Variants in PDE4B observed in about 807,000 individuals in gnomAD.
The protein encoded by PDE4B is 3',5'-cyclic-AMP phosphodiesterase 4B.
Under a neutral mutation model 82.2 loss-of-function variants are expected in PDE4B, and 20 were observed. The ratio of observed to expected loss-of-function variants is 0.24; its 90% CI spans 0.17 to 0.35. The LOEUF (loss-of-function observed/expected upper bound fraction) is 0.35, where lower values mean the gene tolerates loss of function less well. Ranked by LOEUF, PDE4B falls within the 10% of genes least tolerant of loss-of-function variation. The pLI, the probability that PDE4B is intolerant of heterozygous loss-of-function variation, is 1.00. For synonymous variants in PDE4B, 320 were observed against 318.9 expected (o/e 1.00, Z -0.04); for missense variants, 655 against 907.2 (o/e 0.72, Z 3.57).
chr1:65,845,799 G>A lies in PDE4B; in HGVS notation c.-71+52551G>A, dbSNP rs139831050. On this transcript the variant is annotated intron_variant, in intron 1 of 16. Transcript: ENST00000341517. ...TTAATGACTCTTTCAGATTGAGGAA[G>A]TCAGATTTTTCTTAAGTTCTGCATC... 4.2e-3 allele frequency among the ~76,000 whole-genome samples: 639 copies of A among 152,228 alleles called. 7 individuals are homozygous for A. Among genetic ancestry groups the A allele is most frequent in the African/African-American group, 0.012 (508 of 41,548 alleles).
chr1:65,873,383 C>T (rs1646596800), intron 1 of PDE4B, among the ~76,000 whole-genome samples: 3 of 152,134 alleles, frequency 2.0e-5, no homozygotes, highest in Admixed American at 6.6e-5. Flanking sequence ...TTTGTTTGAA[C>T]TTTCTGTGGT....
intron 3 of PDE4B, among the ~76,000 whole-genome samples, chr1:66,100,122 C>T (rs780536539): frequency 7.9e-5 from 12 of 151,678 alleles, no homozygotes; most frequent in South Asian, 2.1e-4. Context: ...GGTGGGATCT[C>T]GGCTCACTGC....
chr1:66,088,383 G>A (rs1317143270), intron 3 of PDE4B, among the ~76,000 whole-genome samples: 1 of 152,042 alleles, frequency 6.6e-6, no homozygotes, highest in Admixed American at 6.6e-5. Flanking sequence ...GAAGCCTGGG[G>A]CTCAGGAGGA....
At chr1:66,115,961 A>G (rs562119274) in intron 3 of PDE4B, among the ~76,000 whole-genome samples, 69 of 152,316 alleles carry the variant, frequency 4.5e-4, no homozygotes, top group African/African-American at 1.6e-3. Context: ...TTACAGTTTT[A>G]GCATTGGCAA....
chr1:66,306,018 C>G (rs72674131), intron 7 of PDE4B, among the ~76,000 whole-genome samples: 5,539 of 152,036 alleles, frequency 0.036, 121 homozygotes, highest in Middle Eastern at 0.068. Context: ...ATCAAGGAAG[C>G]CTGATGTAGG....
chr1:66,089,533 A>G (rs1178679158), intron 3 of PDE4B, among the ~76,000 whole-genome samples: 1 of 152,092 alleles, frequency 6.6e-6, no homozygotes, highest in Non-Finnish European at 1.5e-5. Context: ...ATAAAGTTGT[A>G]AAATTAATTC....
intron 3 of PDE4B, among the ~76,000 whole-genome samples, chr1:66,124,180 C>A (rs1183952185): frequency 1.3e-5 from 2 of 152,130 alleles, no homozygotes; most frequent in East Asian, 3.9e-4. Flanking sequence ...GCAGGACTGG[C>A]ATAATGCATA....
chr1:66,245,447 T>C (rs1198732480), intron 3 of PDE4B, among the ~76,000 whole-genome samples: 1 of 152,216 alleles, frequency 6.6e-6, no homozygotes, highest in Non-Finnish European at 1.5e-5. Context: ...CTACTGTTTC[T>C]AGGGGTTTGG....
intron 3 of PDE4B, among the ~76,000 whole-genome samples, chr1:65,967,116 G>T (rs1325580885): frequency 1.3e-5 from 2 of 152,124 alleles, no homozygotes; most frequent in Non-Finnish European, 1.5e-5. Context: ...CAGAATGGGA[G>T]AAAATTTTTG....
chr1:66,203,009 T>C (rs950565676), intron 3 of PDE4B, among the ~76,000 whole-genome samples: 12 of 152,118 alleles, frequency 7.9e-5, no homozygotes, highest in Non-Finnish European at 1.6e-4. Context: ...CCATGTTTAG[T>C]GCTTCCTTCA....
chr1:65,808,843 T>A (rs1645786389), intron 1 of PDE4B, among the ~76,000 whole-genome samples: 1 of 152,244 alleles, frequency 6.6e-6, no homozygotes, highest in Admixed American at 6.5e-5. Context: ...GAGGGACATA[T>A]AATCAGTTGA....
At chr1:65,865,015 A>C (rs1201396401) in intron 1 of PDE4B, among the ~76,000 whole-genome samples, 2 of 152,128 alleles carry the variant, frequency 1.3e-5, no homozygotes, top group African/African-American at 4.8e-5. Flanking sequence ...TGTCCCAGGG[A>C]GATGGGAGTT....
At chr1:66,331,768 G>T (rs750996308) in intron 7 of PDE4B, 17 of 985,314 alleles carry the variant, frequency 1.7e-5, no homozygotes, top group Non-Finnish European at 1.9e-5. Flanking sequence ...AACAAGAGCT[G>T]CAGGACTCCC....
chr1:65,857,909 A>G (rs557222518), intron 1 of PDE4B, among the ~76,000 whole-genome samples: 1 of 148,506 alleles, frequency 6.7e-6, no homozygotes, highest in Admixed American at 6.7e-5. Flanking sequence ...TTTTCTCTCT[A>G]GACTTCACAT....
chr1:66,016,993 C>T (rs1054632701), intron 3 of PDE4B, among the ~76,000 whole-genome samples: 1 of 152,112 alleles, frequency 6.6e-6, no homozygotes, highest in Non-Finnish European at 1.5e-5. Context: ...GCAGAGAAAA[C>T]AACAGAGTGT....
chr1:66,187,251 A>G (rs1269103977), intron 3 of PDE4B, among the ~76,000 whole-genome samples: 3 of 151,510 alleles, frequency 2.0e-5, no homozygotes, highest in African/African-American at 7.3e-5. Flanking sequence ...TTTACTGAGG[A>G]TTTTTGCATC....
At chr1:65,958,751 C>T (rs1166616108) in intron 3 of PDE4B, among the ~76,000 whole-genome samples, 2 of 145,514 alleles carry the variant, frequency 1.4e-5, no homozygotes, top group East Asian at 3.9e-4. Context: ...CACACACACG[C>T]GCGCGCGCGC....
intron 3 of PDE4B, among the ~76,000 whole-genome samples, chr1:66,246,903 G>A (rs1387656389): frequency 2.0e-5 from 3 of 152,190 alleles, no homozygotes. Context: ...CTCAGGCTGG[G>A]CCTCCCATCT....
chr1:66,137,838 A>G (rs1426659639), intron 3 of PDE4B, among the ~76,000 whole-genome samples: 1 of 152,210 alleles, frequency 6.6e-6, no homozygotes, highest in African/African-American at 2.4e-5. Context: ...CTGAATATCT[A>G]ATATCTTCTA....
Sources: gnomAD v4.1 joint callset for allele counts (sites outside exome capture counted in the v4.1 genomes callset) on GRCh38, gnomAD v4.1.1 for gene constraint, MANE v1.5 for transcripts, NCBI Gene and HGNC (gene_info 2026-07-23, HGNC 2026-07-21) for gene names.